PTPRD: variants seen among roughly 807,000 people sequenced by gnomAD.
PTPRD encodes the protein protein tyrosine phosphatase receptor type D, also known as receptor-type tyrosine-protein phosphatase delta.
A neutral mutation model predicts 214.5 loss-of-function variants in PTPRD; 34 were observed. That is an observed-to-expected ratio of 0.16 (90% CI 0.12 to 0.21). PTPRD has a LOEUF of 0.21. Among genes scored for constraint, PTPRD ranks in the 10% least tolerant of loss-of-function variants. The probability of loss-of-function intolerance (pLI) is 1.00; values close to 1 mark genes in which losing one functional copy is unlikely to be tolerated. For missense variants in PTPRD, 2,545 were observed against 2,398.7 expected (o/e 1.06, Z -1.27); for synonymous variants, 1,128 against 845.7 (o/e 1.33, Z -5.79).
chr9:8,670,472 C>G (rs776412149), intron 12 of PTPRD, among the ~76,000 whole-genome samples: 3 of 152,118 alleles, frequency 2.0e-5, no homozygotes, highest in Non-Finnish European at 4.4e-5. Flanking sequence ...CTTTCTGTGT[C>G]TGGCTAATAA....
intron 2 of PTPRD, among the ~76,000 whole-genome samples, chr9:10,447,226 T>G (rs949878927): frequency 6.6e-6 from 1 of 151,130 alleles, no homozygotes; most frequent in Non-Finnish European, 1.5e-5. Flanking sequence ...CAGCAAAATT[T>G]AGTGCCAAGT....
At chr9:8,406,679 G>T (rs906320652) in intron 35 of PTPRD, among the ~76,000 whole-genome samples, 10 of 152,186 alleles carry the variant, frequency 6.6e-5, no homozygotes, top group Admixed American at 6.5e-4. Flanking sequence ...TTCATAAAGA[G>T]AAATCATAGA....
At chr9:10,366,994 G>C (rs1252918032) in intron 2 of PTPRD, among the ~76,000 whole-genome samples, 2 of 151,252 alleles carry the variant, frequency 1.3e-5, no homozygotes, top group Non-Finnish European at 2.9e-5. Flanking sequence ...GGTTTGCTTT[G>C]CTGTAATTCA....
chr9:9,715,383 C>A (rs906897379), intron 7 of PTPRD, among the ~76,000 whole-genome samples: 19 of 151,860 alleles, frequency 1.3e-4, no homozygotes, highest in Admixed American at 6.6e-5. Flanking sequence ...CAAGTCCTTG[C>A]AGAAATGACG....
At chr9:10,376,846 C>T (rs1035292090) in intron 2 of PTPRD, among the ~76,000 whole-genome samples, 11 of 151,680 alleles carry the variant, frequency 7.3e-5, no homozygotes, top group East Asian at 1.9e-4. Flanking sequence ...GTGTAATAGT[C>T]GCATCATGTA....
In PTPRD at chr9:9,462,281, G is replaced by C. The variant is rs1487666019; in HGVS notation, c.-236-64799C>G. On this transcript the variant is annotated intron_variant, in intron 8 of 45. Transcript: ENST00000381196. ...TAGAACTAGAGGGCTAGAGTTAATA[G>C]TAATTTCTGGCAGTGAACTATGCAG... Among the ~76,000 whole-genome samples, 4 of 152,084 alleles carry C rather than the reference G, an allele frequency of 2.6e-5. No homozygotes were observed. In the East Asian group the frequency reaches 5.8e-4, roughly 22 times the overall value.
chr9:10,294,084 A>G (rs2095606436), intron 3 of PTPRD, among the ~76,000 whole-genome samples: 1 of 151,992 alleles, frequency 6.6e-6, no homozygotes, highest in African/African-American at 2.4e-5. Context: ...ATTGCAAAAT[A>G]TATGAAACAT....
intron 7 of PTPRD, among the ~76,000 whole-genome samples, chr9:9,713,600 A>T (rs968624054): frequency 5.3e-5 from 8 of 152,196 alleles, no homozygotes; most frequent in African/African-American, 1.9e-4. Context: ...TTATGCAAGA[A>T]GCAAAATTGA....
At chr9:9,638,986 C>G (rs889925163) in intron 7 of PTPRD, among the ~76,000 whole-genome samples, 1 of 152,172 alleles carries the variant, frequency 6.6e-6, no homozygotes, top group Non-Finnish European at 1.5e-5. Context: ...CCACTCTGCC[C>G]TCATCACCAA....
intron 5 of PTPRD, among the ~76,000 whole-genome samples, chr9:9,836,567 G>A (rs1222118870): frequency 4.6e-5 from 7 of 152,076 alleles, no homozygotes; most frequent in Non-Finnish European, 8.8e-5. Flanking sequence ...TAAAATTGTA[G>A]TTTATTGGGT....
At chr9:9,895,167 G>C (rs1245123964) in intron 5 of PTPRD, among the ~76,000 whole-genome samples, 1 of 151,952 alleles carries the variant, frequency 6.6e-6, no homozygotes, top group African/African-American at 2.4e-5. Context: ...ACAAGTACTT[G>C]TTCCTGACTC....
chr9:9,503,625 C>A (rs2154231108), intron 8 of PTPRD, among the ~76,000 whole-genome samples: 1 of 151,836 alleles, frequency 6.6e-6, no homozygotes, highest in South Asian at 2.1e-4. Flanking sequence ...TATAACAGAT[C>A]AAACCTCCGA....
intron 10 of PTPRD, among the ~76,000 whole-genome samples, chr9:9,134,221 C>T (rs1225963490): frequency 2.0e-5 from 3 of 147,790 alleles, no homozygotes; most frequent in African/African-American, 7.8e-5. Context: ...TACAGGTGCC[C>T]GCCACCACGC....
intron 2 of PTPRD, among the ~76,000 whole-genome samples, chr9:10,610,884 T>C (rs1163212796): frequency 1.3e-5 from 2 of 152,154 alleles, no homozygotes; most frequent in Non-Finnish European, 2.9e-5. Context: ...ATCTCTACTT[T>C]TTTGTAATAA....
chr9:8,751,850 T>C (rs754946981), intron 11 of PTPRD, among the ~76,000 whole-genome samples: 2 of 152,230 alleles, frequency 1.3e-5, no homozygotes, highest in Admixed American at 6.5e-5. Flanking sequence ...GTTTGTTATA[T>C]GGAGGGTGTA....
intron 8 of PTPRD, among the ~76,000 whole-genome samples, chr9:9,544,069 A>G (rs879622574): frequency 3.3e-5 from 5 of 151,636 alleles, no homozygotes; most frequent in Non-Finnish European, 5.9e-5. Flanking sequence ...GCTATTGCCC[A>G]TATCTCTGTG....
At chr9:9,700,017 G>C (rs989947139) in intron 7 of PTPRD, among the ~76,000 whole-genome samples, 10 of 152,038 alleles carry the variant, frequency 6.6e-5, no homozygotes, top group Admixed American at 2.0e-4. Context: ...AGAAATGCTT[G>C]GATTTGAATA....
At chr9:9,341,174 C>A (rs2046648210) in intron 9 of PTPRD, among the ~76,000 whole-genome samples, 1 of 151,738 alleles carries the variant, frequency 6.6e-6, no homozygotes, top group South Asian at 2.1e-4. Flanking sequence ...TAGATTGTGG[C>A]CACTTAATGC....
intron 11 of PTPRD, among the ~76,000 whole-genome samples, chr9:8,761,425 C>T (rs2094406522): frequency 6.6e-6 from 1 of 151,928 alleles, no homozygotes; most frequent in African/African-American, 2.4e-5. Context: ...TGCTTTTTTT[C>T]CTAAAGTGAC....
Sources: allele counts gnomAD v4.1 joint callset (sites outside exome capture counted in the v4.1 genomes callset), GRCh38; gene constraint gnomAD v4.1.1; transcripts MANE v1.5; gene names NCBI Gene and HGNC (gene_info 2026-07-23, HGNC 2026-07-21).